The following GOLGA1 variants were observed in gnomAD, a reference collection of about 807,000 sequenced individuals.
GOLGA1 encodes golgin subfamily A member 1.
GOLGA1 carries 63 observed loss-of-function variants against 119.7 expected under a neutral mutation model. That is an observed-to-expected ratio of 0.53 (90% CI 0.43 to 0.65). The LOEUF (loss-of-function observed/expected upper bound fraction) is 0.65, where lower values mean the gene tolerates loss of function less well. Among genes scored for constraint, GOLGA1 ranks in the 30% least tolerant of loss-of-function variants. The pLI is 0.00. For missense variants in GOLGA1, 798 were observed against 912.8 expected (o/e 0.87, Z 1.62); for synonymous variants, 318 against 333.4 (o/e 0.95, Z 0.50).
chr9:124,884,583 C>T (rs1053580038), intron 19 of GOLGA1, among the ~76,000 whole-genome samples: 3 of 152,100 alleles, frequency 2.0e-5, no homozygotes, highest in Admixed American at 2.0e-4. Context: ...GCGAGGAATC[C>T]CCATTGTTTC....
intron 13 of GOLGA1, 21 bp from the exon 14 acceptor site, chr9:124,899,499 GGTCA>G: frequency 6.5e-7 from 1 of 1,539,562 alleles, no homozygotes; most frequent in South Asian, 1.2e-5. Context: ...ACCAAAGGAC[GGTCA>G]GTCAGGGTGA....
chr9:124,929,304 G>A lies in GOLGA1; in HGVS notation c.227-14C>T. On this transcript the variant is annotated splice_polypyrimidine_tract_variant and intron_variant, in intron 4 of 22. Coordinates refer to ENST00000373555, the MANE Select transcript of GOLGA1 (RefSeq NM_002077.4). The stretch of plus-strand genomic sequence containing the variant: ...GTTCAGCATAGTCTTGGGTGAGGAG[G>A]GTGACGCACATACCAGAAATGGACA... 1 of 1,553,674 alleles carries A rather than the reference G, an allele frequency of 6.4e-7. No individual in the cohort carries two copies. The highest frequency in any genetic ancestry group is 8.9e-7 in the Non-Finnish European group (1 of 1,125,206).
intron 10 of GOLGA1, among the ~76,000 whole-genome samples, chr9:124,920,679 T>C (rs569032810): frequency 3.7e-4 from 57 of 152,158 alleles, no homozygotes; most frequent in African/African-American, 1.2e-3. Context: ...CTCACGCCTG[T>C]AATCTCAGCA....
At chr9:124,947,010 T>C (rs924629721) in intron 1 of GOLGA1, 2 of 152,168 alleles carry the variant, frequency 1.3e-5, no homozygotes, top group African/African-American at 4.8e-5. Context: ...CCTACTTAGG[T>C]TAGGCCATCC....
intron 15 of GOLGA1, among the ~76,000 whole-genome samples, chr9:124,896,638 C>A (rs1051837579): frequency 2.6e-5 from 4 of 151,952 alleles, no homozygotes; most frequent in African/African-American, 7.3e-5. Flanking sequence ...CATCACTTAT[C>A]TGCTTAAGAC....
At chr9:124,907,933 A>G (rs1410329098) in intron 12 of GOLGA1, among the ~76,000 whole-genome samples, 15 of 152,208 alleles carry the variant, frequency 9.9e-5, no homozygotes, top group Admixed American at 9.8e-4. Context: ...GCATGATCTG[A>G]GGTGGCAGGA....
intron 15 of GOLGA1, among the ~76,000 whole-genome samples, chr9:124,892,195 T>C (rs1829871529): frequency 3.3e-5 from 5 of 152,250 alleles, no homozygotes; most frequent in Admixed American, 1.3e-4. Flanking sequence ...CCTCATGTGA[T>C]CCATCCGCTT....
chr9:124,890,086 C>A (rs1488127401), intron 16 of GOLGA1, among the ~76,000 whole-genome samples: 1 of 152,166 alleles, frequency 6.6e-6, no homozygotes, highest in Non-Finnish European at 1.5e-5. Context: ...GGCAGGTGGG[C>A]AATGATAGGT....
upstream of GOLGA1, chr9:124,945,240 G>A (rs1831127559): frequency 6.6e-6 from 1 of 152,136 alleles, no homozygotes; most frequent in African/African-American, 2.4e-5. Flanking sequence ...ACTGGTTAAA[G>A]TAGTCTGATA....
intron 22 of GOLGA1, among the ~76,000 whole-genome samples, chr9:124,880,904 G>C (rs1829563472): frequency 6.6e-6 from 1 of 152,248 alleles, no homozygotes; most frequent in Non-Finnish European, 1.5e-5. Context: ...TGCCGAGCCA[G>C]ACCTGGGGCT....
intron 6 of GOLGA1, 85 bp downstream of exon 6, chr9:124,928,103 T>G: frequency 3.4e-6 from 2 of 595,760 alleles, no homozygotes; most frequent in Non-Finnish European, 6.0e-6. Flanking sequence ...ATAAATATTT[T>G]CTATAGGTTA....
At chr9:124,882,811 CCT>C (rs1367679477) in intron 19 of GOLGA1, among the ~76,000 whole-genome samples, 1 of 152,150 alleles carries the variant, frequency 6.6e-6, no homozygotes, top group African/African-American at 2.4e-5. Context: ...GGCCACAGTC[CCT>C]CTGTGTTGAC....
At chr9:124,911,831 G>T in intron 11 of GOLGA1, 70 bp downstream of exon 11, 2 of 1,380,762 alleles carry the variant, frequency 1.4e-6, no homozygotes, top group South Asian at 2.5e-5. Flanking sequence ...TGAAACTCTA[G>T]GAATTGTGAA....
chr9:124,921,655 G>A (rs1013199373), intron 9 of GOLGA1, 68 bp downstream of exon 9: 8 of 1,212,566 alleles, frequency 6.6e-6, no homozygotes, highest in Non-Finnish European at 8.3e-6. Context: ...AATGGGGAAA[G>A]GTGGGCAGGC....
intron 15 of GOLGA1, among the ~76,000 whole-genome samples, chr9:124,895,923 A>C (rs1829976809): frequency 1.3e-5 from 2 of 148,662 alleles, no homozygotes; most frequent in African/African-American, 4.9e-5. Context: ...TCCACAACAG[A>C]GACCCTCCAC....
Position 124,881,655 on chromosome 9 carries a change from T to C in GOLGA1, c.2136+129A>G. 1.4e-6 allele frequency: 1 copy of C among 709,116 alleles called. No individual in the cohort carries two copies. Among genetic ancestry groups the C allele is most frequent in the South Asian group, 1.9e-5 (1 of 52,876 alleles). 43.9% of individuals were successfully genotyped at this position (709,116 alleles called of 1,614,324 possible). On this transcript the variant is annotated intron_variant, in intron 21 of 22. Coordinates refer to ENST00000373555, the MANE Select transcript of GOLGA1 (RefSeq NM_002077.4). The surrounding 1 kb of genome is among the most constrained non-coding windows in gnomAD (Gnocchi z 4.9). ...GGCCAACGCCAGCAGGAGAAATGAC[T>C]GGGTGACCACAAGGGCGTCAAACCA...
chr9:124,924,441 G>A lies in GOLGA1; in HGVS notation c.433-1218C>T, dbSNP rs555434755. Among the ~76,000 whole-genome samples, 26 of 151,482 alleles carry A rather than the reference G, an allele frequency of 1.7e-4. 1 individual carries two copies. Among genetic ancestry groups the A allele is most frequent in the South Asian group, 4.2e-4 (2 of 4,774 alleles). On this transcript the variant is annotated intron_variant, in intron 7 of 22. Transcript: ENST00000373555. ...GCACAGGAGTTGGAGACCAGCCTGC[G>A]CAACATGGTGAAACCCCATCTCTAT...
intron 19 of GOLGA1, 57 bp from the exon 20 acceptor site, chr9:124,882,626 G>A: frequency 7.1e-7 from 1 of 1,412,764 alleles, no homozygotes; most frequent in Non-Finnish European, 1.0e-6. Context: ...TTCACCAAAG[G>A]AAACAGACCC....
At position 124,898,615 on chromosome 9, in the gene GOLGA1, A is replaced by G; in HGVS notation, c.1341T>C (p.Leu447=). ...MRQLEQENAA[L]KECRNEYERS... is the part of the protein sequence containing the mutation. ...GTTCATATTCATTCCTGCATTCTTT[A>G]AGGGCTGCATTTTCTTGCTCCAGTT... is the stretch of plus-strand genomic sequence containing the variant. Residue 447 remains leucine, a synonymous_variant, in exon 15 of 23, where the codon CTT becomes CTC. Coordinates refer to ENST00000373555, the MANE Select transcript of GOLGA1 (RefSeq NM_002077.4). 1.9e-6 allele frequency: 3 copies of G among 1,611,330 alleles called. No homozygotes were observed. The highest frequency in any genetic ancestry group is 2.5e-6 in the Non-Finnish European group (3 of 1,177,646).
Sources: allele counts gnomAD v4.1 joint callset (sites outside exome capture counted in the v4.1 genomes callset), GRCh38; gene constraint gnomAD v4.1.1; non-coding constraint Gnocchi (gnomAD v3.1); transcripts MANE v1.5; gene names NCBI Gene and HGNC (gene_info 2026-07-23, HGNC 2026-07-21).